The following GPR39 variants were observed in gnomAD, a reference collection of about 807,000 sequenced individuals.
The protein encoded by GPR39 is G protein-coupled receptor 39.
In GPR39, 23 loss-of-function variants were observed where a neutral mutation model predicts 18.4. That is an observed-to-expected ratio of 1.25 (90% CI 0.90 to 1.77). The LOEUF is 1.77. Among genes scored for constraint, GPR39 ranks in the 40% most tolerant of loss-of-function variants. GPR39 has a pLI of 0.00. For missense variants in GPR39, 647 were observed against 602.4 expected (o/e 1.07, Z -0.78); for synonymous variants, 280 against 257.9 (o/e 1.09, Z -0.82).
intron 1 of GPR39, among the ~76,000 whole-genome samples, chr2:132,625,036 C>A (rs1015365507): frequency 3.3e-5 from 5 of 151,798 alleles, no homozygotes; most frequent in African/African-American, 1.2e-4. Context: ...AATTTACAAC[C>A]CACGCTGGCA....
intron 1 of GPR39, among the ~76,000 whole-genome samples, chr2:132,573,885 G>A (rs925477905): frequency 2.6e-5 from 4 of 152,178 alleles, no homozygotes; most frequent in African/African-American, 9.7e-5. Context: ...TGACATTTTT[G>A]CAGCCCCAGC....
At chr2:132,531,708 C>T (rs953570493) in intron 1 of GPR39, among the ~76,000 whole-genome samples, 4 of 152,198 alleles carry the variant, frequency 2.6e-5, no homozygotes, top group African/African-American at 9.7e-5. Context: ...CTCAAAACTG[C>T]TCAACTACAT....
chr2:132,640,935 C>T (rs1438485888), intron 1 of GPR39, among the ~76,000 whole-genome samples: 1 of 152,084 alleles, frequency 6.6e-6, no homozygotes, highest in African/African-American at 2.4e-5. Flanking sequence ...GTTTTCTTCC[C>T]CTGAGAGGCT....
intron 1 of GPR39, among the ~76,000 whole-genome samples, chr2:132,593,673 T>G (rs2104834311): frequency 6.6e-6 from 1 of 152,196 alleles, no homozygotes; most frequent in East Asian, 1.9e-4. Context: ...TGGGAGTGTA[T>G]TTGGATATGC....
chr2:132,462,838 A>G (rs1246109145), intron 1 of GPR39, among the ~76,000 whole-genome samples: 1 of 152,212 alleles, frequency 6.6e-6, no homozygotes, highest in Non-Finnish European at 1.5e-5. Context: ...TGAGAACTAA[A>G]TAATACAGAT....
chr2:132,495,933 G>A (rs898302211), intron 1 of GPR39, among the ~76,000 whole-genome samples: 3 of 152,034 alleles, frequency 2.0e-5, no homozygotes, highest in Middle Eastern at 3.4e-3. Context: ...ACAAGAGAAG[G>A]CCTTCTCTAC....
intron 1 of GPR39, among the ~76,000 whole-genome samples, chr2:132,522,526 A>G (rs1170421671): frequency 6.6e-6 from 1 of 152,214 alleles, no homozygotes; most frequent in Non-Finnish European, 1.5e-5. Context: ...CTTTACAATT[A>G]CCGTTTATGA....
At chr2:132,644,509 G>T (rs1681947548) in intron 1 of GPR39, among the ~76,000 whole-genome samples, 1 of 152,254 alleles carries the variant, frequency 6.6e-6, no homozygotes, top group South Asian at 2.1e-4. Flanking sequence ...TGCATACCTA[G>T]TATGTATATG....
intron 1 of GPR39, among the ~76,000 whole-genome samples, chr2:132,508,455 G>C (rs1342804478): frequency 6.6e-6 from 1 of 152,082 alleles, no homozygotes; most frequent in East Asian, 1.9e-4. Context: ...GTTAGTAGAA[G>C]GGCTGCCCTC....
intron 1 of GPR39, among the ~76,000 whole-genome samples, chr2:132,594,951 T>C (rs563118636): frequency 2.6e-5 from 4 of 152,204 alleles, no homozygotes; most frequent in Non-Finnish European, 4.4e-5. Flanking sequence ...ATGAAGGCTA[T>C]GTAAGTGGAG....
intron 1 of GPR39, among the ~76,000 whole-genome samples, chr2:132,487,297 A>G (rs1681360793): frequency 6.6e-6 from 1 of 152,240 alleles, no homozygotes; most frequent in African/African-American, 2.4e-5. Flanking sequence ...TCACTGGATT[A>G]TAGTACAGTG....
intron 1 of GPR39, among the ~76,000 whole-genome samples, chr2:132,444,371 C>T (rs907636223): frequency 5.3e-5 from 8 of 151,964 alleles, no homozygotes; most frequent in Admixed American, 2.6e-4. Context: ...AGCTCATAGT[C>T]GCCTCAACTC....
intron 1 of GPR39, among the ~76,000 whole-genome samples, chr2:132,522,729 C>T (rs566828082): frequency 6.6e-6 from 1 of 152,324 alleles, no homozygotes; most frequent in South Asian, 2.1e-4. Context: ...TGAGTAGAAG[C>T]TGCCATGTAT....
At chr2:132,453,908 G>A (rs1039009053) in intron 1 of GPR39, among the ~76,000 whole-genome samples, 8 of 152,294 alleles carry the variant, frequency 5.3e-5, no homozygotes, top group African/African-American at 1.9e-4. Flanking sequence ...TTAAAGTCAG[G>A]TAGTGTGATG....
intron 1 of GPR39, among the ~76,000 whole-genome samples, chr2:132,421,876 G>T (rs545203124): frequency 1.3e-5 from 2 of 152,078 alleles, no homozygotes; most frequent in East Asian, 1.9e-4. Flanking sequence ...ATTGACAGTG[G>T]GTCCTCTTTA....
chr2:132,516,213 G>A (rs1679328772), intron 1 of GPR39, among the ~76,000 whole-genome samples: 1 of 152,164 alleles, frequency 6.6e-6, no homozygotes. Context: ...ATAGTGAGAT[G>A]TGTACCTCGT....
intron 1 of GPR39, among the ~76,000 whole-genome samples, chr2:132,558,159 C>G (rs1680188914): frequency 6.6e-6 from 1 of 152,008 alleles, no homozygotes; most frequent in African/African-American, 2.4e-5. Context: ...AATGTGACCC[C>G]TACAGAAGCG....
At chr2:132,614,728 C>T (rs985020409) in intron 1 of GPR39, among the ~76,000 whole-genome samples, 1 of 151,718 alleles carries the variant, frequency 6.6e-6, no homozygotes, top group Non-Finnish European at 1.5e-5. Context: ...TTTTTTTTAT[C>T]TTTAGTAGAG....
At chr2:132,598,347 G>A (rs1271734486) in intron 1 of GPR39, among the ~76,000 whole-genome samples, 1 of 149,424 alleles carries the variant, frequency 6.7e-6, no homozygotes, top group African/African-American at 2.5e-5. Flanking sequence ...ATTTGAGTTG[G>A]ATAAGAATCA....
Sources: gnomAD v4.1 joint callset for allele counts (sites outside exome capture counted in the v4.1 genomes callset) on GRCh38, gnomAD v4.1.1 for gene constraint, MANE v1.5 for transcripts, NCBI Gene and HGNC (gene_info 2026-07-23, HGNC 2026-07-21) for gene names.